ALMS1: variants seen among roughly 807,000 people sequenced by gnomAD.
ALMS1 encodes the protein ALMS1 centrosome and basal body associated protein, also known as centrosome-associated protein ALMS1.
ALMS1 carries 271 observed loss-of-function variants against 352.2 expected under a neutral mutation model. That is an observed-to-expected ratio of 0.77 (90% CI 0.70 to 0.85). ALMS1 has a LOEUF of 0.85. ALMS1 is among the 40% of genes least tolerant of loss of function. The pLI, the probability that ALMS1 is intolerant of heterozygous loss-of-function variation, is 0.00. For synonymous variants in ALMS1, 1,865 were observed against 1,761.2 expected, an observed-to-expected ratio of 1.06 and a Z score of -1.48; for missense variants, 5,445 against 4,870.7, an observed-to-expected ratio of 1.12 and a Z score of -3.51.
At chr2:73,432,835 C>G (rs545119226) in intron 7 of ALMS1, among the ~76,000 whole-genome samples, 5 of 152,164 alleles carry the variant, frequency 3.3e-5, no homozygotes, top group African/African-American at 1.2e-4. Context: ...GGTTTTTCAT[C>G]GCATTCTACA....
chr2:73,395,024 A>G (rs1670726564), intron 1 of ALMS1, among the ~76,000 whole-genome samples: 1 of 139,350 alleles, frequency 7.2e-6, no homozygotes, highest in South Asian at 2.3e-4. Flanking sequence ...GTGTATATAT[A>G]TGTGTATATA....
At chr2:73,555,909 G>A (rs551950267) in intron 13 of ALMS1, among the ~76,000 whole-genome samples, 1 of 152,188 alleles carries the variant, frequency 6.6e-6, no homozygotes, top group East Asian at 1.9e-4. Flanking sequence ...AGACAGTATT[G>A]TACCCTTCGT....
chr2:73,534,830 C>T lies in ALMS1; in HGVS notation c.9788C>T (p.Pro3263Leu). 6.2e-7 allele frequency: 1 copy of T among 1,613,424 alleles called. No individual in the cohort carries two copies. Among genetic ancestry groups the T allele is most frequent in the Non-Finnish European group, 8.5e-7 (1 of 1,179,510 alleles). The change falls in exon 12 of 23, where the codon CCT (proline) becomes CTT (leucine). Residue 3263 changes from proline (P) to leucine (L), a missense_variant. Transcript: ENST00000613296. ...VTFSRGTDGQPLLLPYKPSGS... is the reference protein window; with the variant it reads ...VTFSRGTDGQLLLLPYKPSGS... ...CTGATTTTTACCTCCTTAGGCCAGC[C>T]TTTATTATTGCCATATAAGCCTTCT...
chr2:73,534,680 T>G, intron 11 of ALMS1, 144 bp from the exon 12 acceptor site: 1 of 770,582 alleles, frequency 1.3e-6, no homozygotes, highest in Non-Finnish European at 2.1e-6. Flanking sequence ...TCATTCTTCT[T>G]GAAGGCAGAG....
chr2:73,523,976 T>C (rs1673738560), intron 11 of ALMS1, among the ~76,000 whole-genome samples: 1 of 152,082 alleles, frequency 6.6e-6, no homozygotes, highest in South Asian at 2.1e-4. Context: ...CATTCGGCCA[T>C]GAGAAATGGT....
rs55889738 is a variant in ALMS1 at position 73,385,903 on chromosome 2, T to TGGAGGAGGA, written c.66_74dup (p.Glu26_Glu28dup). On this transcript the variant is annotated inframe_insertion, in exon 1 of 23. Transcript: ENST00000613296. The stretch of plus-strand genomic sequence containing the variant: ...GAGGATCTGCCATGGCCGGGCGAGC[T>TGGAGGAGGA]GGAGGAGGAGGAGGAGGAGGAGGAG... 2,535 of 701,234 alleles carry TGGAGGAGGA rather than the reference T, an allele frequency of 3.6e-3. 3 individuals carry two copies. Among genetic ancestry groups the TGGAGGAGGA allele is most frequent in the East Asian group, 0.013 (467 of 35,206 alleles). The allele number at this position is 701,234 out of a possible 1,614,324, so 43.4% of individuals were successfully genotyped here. A position where few individuals can be genotyped will look rare whatever the true frequency, so the allele number is the denominator to read the frequency against.
intron 12 of ALMS1, among the ~76,000 whole-genome samples, chr2:73,538,741 C>T (rs1005607088): frequency 7.2e-5 from 11 of 152,320 alleles, no homozygotes; most frequent in South Asian, 4.1e-4. Flanking sequence ...GATTATATCC[C>T]GCACCTGGCT....
At position 73,557,088 on chromosome 2, in the gene ALMS1, G is replaced by T. The variant is rs573918531; in HGVS notation, c.10079-132G>T. 12 of 1,197,018 alleles carry T rather than the reference G, an allele frequency of 1.0e-5. 1 individual carries two copies. In the African/African-American group the frequency reaches 1.5e-4, roughly 15 times the overall value. 74.1% of individuals were successfully genotyped at this position (1,197,018 alleles called of 1,614,324 possible). A position where few individuals can be genotyped will look rare whatever the true frequency, so the allele number is the denominator to read the frequency against. Reference sequence around the variant, plus strand: ...TCATGTCACAGTTTTTACACAGGTGGAGCCTAAGAGGTACTTTTTTCCTAA... The same window carrying T: ...TCATGTCACAGTTTTTACACAGGTGTAGCCTAAGAGGTACTTTTTTCCTAA... On this transcript the variant is annotated intron_variant, in intron 13 of 22. Coordinates refer to ENST00000613296, the MANE Select transcript of ALMS1 (RefSeq NM_001378454.1).
chr2:73,583,260 T>A (rs1334656926), intron 16 of ALMS1, among the ~76,000 whole-genome samples: 3 of 151,948 alleles, frequency 2.0e-5, no homozygotes, highest in Non-Finnish European at 4.4e-5. Flanking sequence ...GCTCCTGGGC[T>A]CAAGCAGTCT....
intron 7 of ALMS1, among the ~76,000 whole-genome samples, chr2:73,433,557 C>T (rs1270235252): frequency 1.3e-5 from 2 of 151,960 alleles, no homozygotes; most frequent in Non-Finnish European, 2.9e-5. Context: ...CATTAAATAG[C>T]CCTGGGATTG....
At chr2:73,468,301 A>T (rs1672399136) in intron 9 of ALMS1, among the ~76,000 whole-genome samples, 1 of 151,148 alleles carries the variant, frequency 6.6e-6, no homozygotes, top group Non-Finnish European at 1.5e-5. Context: ...CACTGTATTT[A>T]TTAATAAGAC....
At chr2:73,508,223 T>C (rs1401756842) in intron 10 of ALMS1, among the ~76,000 whole-genome samples, 1 of 149,012 alleles carries the variant, frequency 6.7e-6, no homozygotes. Context: ...TTTTTTTTTT[T>C]TCCGAGTCTC....
At chr2:73,572,038 G>A (rs1468245453) in intron 15 of ALMS1, among the ~76,000 whole-genome samples, 1 of 152,164 alleles carries the variant, frequency 6.6e-6, no homozygotes, top group Non-Finnish European at 1.5e-5. Context: ...CCGGTCAGTG[G>A]CAGAGCCCAG....
intron 4 of ALMS1, among the ~76,000 whole-genome samples, chr2:73,424,043 G>T (rs752109061): frequency 2.6e-5 from 4 of 152,190 alleles, no homozygotes; most frequent in African/African-American, 9.6e-5. Flanking sequence ...CTCCCAGAGT[G>T]CTGGGATCAT....
At position 73,601,329 on chromosome 2, in the gene ALMS1, G is replaced by A. The variant is rs779308568; in HGVS notation, c.12007G>A (p.Glu4003Lys). 21 of 1,614,120 alleles carry A rather than the reference G, an allele frequency of 1.3e-5. No homozygotes were observed. The South Asian group carries it at 1.8e-4, about 14-fold the overall frequency. Residue 4003 changes from glutamate (E) to lysine (K), a missense_variant, in exon 19 of 23, where the codon GAG (glutamate) becomes AAG (lysine). By Grantham distance (56) the Glu-to-Lys change is moderately conservative. Coordinates refer to ENST00000613296, the MANE Select transcript of ALMS1 (RefSeq NM_001378454.1). ...KTRPWREPLR[E>K]QNCQGQHLDG... is the part of the protein sequence containing the mutation. ...CAGACCCTGGAGGGAGCCACTGCGG[G>A]AGCAGAACTGTCAGGGGCAGCACCT...
chr2:73,458,729 TAAAGG>T (rs1239944134), intron 9 of ALMS1: 2 of 152,162 alleles, frequency 1.3e-5, no homozygotes, highest in African/African-American at 4.8e-5. Flanking sequence ...AAGGGAGTGT[TAAAGG>T]AAAGGGAGGA....
chr2:73,465,649 A>C (rs1330726669), intron 9 of ALMS1, among the ~76,000 whole-genome samples: 1 of 152,032 alleles, frequency 6.6e-6, no homozygotes, highest in South Asian at 2.1e-4. Context: ...GGATCTAATT[A>C]AACTAAAGAG....
intron 7 of ALMS1, among the ~76,000 whole-genome samples, chr2:73,442,832 ATGTTTG>A (rs1671744406): frequency 6.6e-6 from 1 of 152,130 alleles, no homozygotes; most frequent in Non-Finnish European, 1.5e-5. Flanking sequence ...CATACTCCAA[ATGTTTG>A]TATCTGACTA....
chr2:73,387,703 T>C (rs1214767056), intron 1 of ALMS1, among the ~76,000 whole-genome samples: 4 of 152,100 alleles, frequency 2.6e-5, no homozygotes, highest in Non-Finnish European at 4.4e-5. Context: ...GGATGTATGA[T>C]AAGTTAGGTG....
Sources: allele counts gnomAD v4.1 joint callset (sites outside exome capture counted in the v4.1 genomes callset), GRCh38; gene constraint gnomAD v4.1.1; transcripts MANE v1.5; gene names NCBI Gene and HGNC (gene_info 2026-07-23, HGNC 2026-07-21).